Variants in CRYBG3 observed in about 807,000 individuals in gnomAD.
The protein encoded by CRYBG3 is crystallin beta-gamma domain containing 3, also known as very large A-kinase anchor protein.
A neutral mutation model predicts 244.2 loss-of-function variants in CRYBG3; 127 were observed. The observed-to-expected ratio is 0.52, with a 90% CI of 0.45 to 0.60. CRYBG3 has a LOEUF of 0.60. Ranked by LOEUF, CRYBG3 falls within the 20% of genes least tolerant of loss-of-function variation. CRYBG3 has a pLI of 0.00. For missense variants in CRYBG3, 3,325 were observed against 3,442.5 expected (o/e 0.97, Z 0.85); for synonymous variants, 1,132 against 1,195.8 (o/e 0.95, Z 1.10).
chr3:97,884,128 A>G (rs769556951), intron 7 of CRYBG3, among the ~76,000 whole-genome samples: 1 of 152,194 alleles, frequency 6.6e-6, no homozygotes, highest in African/African-American at 2.4e-5. Context: ...TAATGTTACT[A>G]GAACTCTATT....
rs556861345 is a variant in CRYBG3, at chr3:97,933,614, T to G, written c.8242-80T>G. The G allele has an allele frequency of 5.0e-6, 7 of 1,409,404 alleles. No homozygotes were observed. In the Admixed American group the frequency reaches 1.1e-4, roughly 22 times the overall value. The allele number at this position is 1,409,404 out of a possible 1,614,324, so 87.3% of individuals were successfully genotyped here. ...CCATGCATTTAAGAATACAATGGAT[T>G]CAGGGTACCCTGTGTTCAGACTGGG... On this transcript the variant is annotated intron_variant, in intron 17 of 21. Transcript: ENST00000389622.
rs534932350 is a variant in CRYBG3 at position 97,853,796 on chromosome 3, A to G, written c.217-10421A>G. Among the ~76,000 whole-genome samples, 14 of 152,130 alleles carry G rather than the reference A, an allele frequency of 9.2e-5. No individual in the cohort carries two copies. The South Asian group carries it at 1.0e-3, about 11-fold the overall frequency. ...GTGGTATCACAATCGTGGTATCACA[A>G]TTGTGGTTTTGATTTGCATTTCCCT... is the stretch of plus-strand genomic sequence containing the variant. On this transcript the variant is annotated intron_variant, in intron 2 of 21. Coordinates refer to ENST00000389622, the MANE Select transcript of CRYBG3 (RefSeq NM_153605.4).
chr3:97,889,281 A>G (rs2039544691), intron 9 of CRYBG3, 74 bp from the exon 10 acceptor site: 2 of 1,136,554 alleles, frequency 1.8e-6, no homozygotes, highest in Non-Finnish European at 2.7e-6. Flanking sequence ...ACCTACATAT[A>G]TCACTTTCAG....
intron 1 of CRYBG3, among the ~76,000 whole-genome samples, chr3:97,830,901 G>T (rs900059489): frequency 6.6e-6 from 1 of 152,150 alleles, no homozygotes; most frequent in Admixed American, 6.5e-5. Flanking sequence ...CCTGTGTGTG[G>T]TCTGTGCTTT....
intron 15 of CRYBG3, among the ~76,000 whole-genome samples, chr3:97,902,617 C>T (rs1026032075): frequency 9.9e-5 from 15 of 152,076 alleles, no homozygotes; most frequent in Admixed American, 3.9e-4. Flanking sequence ...GCCCCTCACT[C>T]CCCAGCAAAT....
intron 5 of CRYBG3, 56 bp downstream of exon 5, chr3:97,879,804 C>A: frequency 7.7e-7 from 1 of 1,294,458 alleles, no homozygotes; most frequent in Non-Finnish European, 1.1e-6. Flanking sequence ...AACTTTCAGG[C>A]TTGAGGAATT....
chr3:97,921,266 C>G (rs1295413660), intron 17 of CRYBG3, among the ~76,000 whole-genome samples: 1 of 152,118 alleles, frequency 6.6e-6, no homozygotes, highest in African/African-American at 2.4e-5. Context: ...CCTTAATATT[C>G]TTTCTCTGCA....
chr3:97,908,861 G>C (rs557577607), intron 15 of CRYBG3, among the ~76,000 whole-genome samples: 102 of 152,268 alleles, frequency 6.7e-4, no homozygotes, highest in African/African-American at 2.4e-3. Context: ...GTTACATTTT[G>C]GCATGATTTT....
intron 18 of CRYBG3, among the ~76,000 whole-genome samples, chr3:97,936,480 C>T (rs1456709587): frequency 1.3e-5 from 2 of 151,640 alleles, no homozygotes; most frequent in Non-Finnish European, 2.9e-5. Context: ...TTATGGTCTG[C>T]CTTTAAATGT....
At chr3:97,914,695 A>C (rs1293550418) in intron 16 of CRYBG3, among the ~76,000 whole-genome samples, 3 of 152,192 alleles carry the variant, frequency 2.0e-5, no homozygotes, top group Admixed American at 6.5e-5. Flanking sequence ...ATAATGCACT[A>C]GCTTTATGCC....
chr3:97,919,958 T>C (rs2039966478), intron 17 of CRYBG3, among the ~76,000 whole-genome samples: 1 of 152,012 alleles, frequency 6.6e-6, no homozygotes, highest in South Asian at 2.1e-4. Context: ...TTGGTTGAGA[T>C]GGGGTTTCAC....
intron 15 of CRYBG3, 21 bp from the exon 16 acceptor site, chr3:97,912,146 G>T (rs1481053836): frequency 7.4e-7 from 1 of 1,351,252 alleles, no homozygotes; most frequent in Non-Finnish European, 1.0e-6. Flanking sequence ...CTATTTAACT[G>T]TTGTGTTGTT....
At chr3:97,895,569 T>C (rs2039630439) in intron 11 of CRYBG3, among the ~76,000 whole-genome samples, 1 of 152,230 alleles carries the variant, frequency 6.6e-6, no homozygotes, top group African/African-American at 2.4e-5. Context: ...AATGGCTTAA[T>C]TAGTAAAATA....
chr3:97,878,319 A>G (rs1407387022), intron 4 of CRYBG3, among the ~76,000 whole-genome samples: 1 of 152,206 alleles, frequency 6.6e-6, no homozygotes, highest in East Asian at 1.9e-4. Context: ...GCTGAGGCAG[A>G]GAATGGCTTG....
intron 2 of CRYBG3, among the ~76,000 whole-genome samples, chr3:97,860,449 C>T: frequency 6.6e-6 from 1 of 152,024 alleles, no homozygotes; most frequent in East Asian, 1.9e-4. Context: ...GAGGGGTCTG[C>T]TATTTTAGAT....
At chr3:97,921,568 T>A (rs2039985198) in intron 17 of CRYBG3, among the ~76,000 whole-genome samples, 1 of 152,172 alleles carries the variant, frequency 6.6e-6, no homozygotes, top group African/African-American at 2.4e-5. Context: ...GGTTTGTGTC[T>A]TATCCATTTA....
chr3:97,869,561 G>A (rs751584259), intron 3 of CRYBG3, among the ~76,000 whole-genome samples: 1 of 152,084 alleles, frequency 6.6e-6, no homozygotes, highest in African/African-American at 2.4e-5. Flanking sequence ...ATTGGGCTCT[G>A]TCTTCATAAG....
chr3:97,897,446 A>G (rs990301239), intron 12 of CRYBG3, among the ~76,000 whole-genome samples: 1 of 151,966 alleles, frequency 6.6e-6, no homozygotes, highest in African/African-American at 2.4e-5. Context: ...ATAAAATGGA[A>G]TACAGTTTTT....
At chr3:97,827,220 C>A (rs1456064794) in intron 1 of CRYBG3, among the ~76,000 whole-genome samples, 2 of 152,086 alleles carry the variant, frequency 1.3e-5, no homozygotes, top group East Asian at 3.9e-4. Flanking sequence ...ATTGCTAGAC[C>A]CAAGGTCAGG....
Sources: allele counts gnomAD v4.1 joint callset (sites outside exome capture counted in the v4.1 genomes callset), GRCh38; gene constraint gnomAD v4.1.1; transcripts MANE v1.5; gene names NCBI Gene and HGNC (gene_info 2026-07-23, HGNC 2026-07-21).